Variants in NKTR observed in about 807,000 individuals in gnomAD.
NKTR encodes natural killer cell triggering receptor.
A neutral mutation model predicts 156.3 loss-of-function variants in NKTR; 67 were observed. That is an observed-to-expected ratio of 0.43 (90% confidence interval 0.35 to 0.53). The LOEUF (loss-of-function observed/expected upper bound fraction) is 0.53. Ranked by LOEUF, NKTR falls within the 20% of genes least tolerant of loss-of-function variation. The pLI is 0.01. For missense variants in NKTR, 1,604 were observed against 1,730.9 expected (o/e 0.93, Z 1.30); for synonymous variants, 640 against 596.6 (o/e 1.07, Z -1.06).
intron 7 of NKTR, chr3:42,630,827 T>G: frequency 1.5e-6 from 2 of 1,336,654 alleles, no homozygotes; most frequent in Non-Finnish European, 1.9e-6. Context: ...ATTTTTCTCT[T>G]CAGTTTTCCA....
At chr3:42,622,425 TTTTC>T (rs1040620485) in intron 6 of NKTR, among the ~76,000 whole-genome samples, 1 of 152,072 alleles carries the variant, frequency 6.6e-6, no homozygotes, top group Non-Finnish European at 1.5e-5. Context: ...ATTGAAAACA[TTTTC>T]TTTGTCATCT....
chr3:42,611,277 A>T (rs914521962), intron 2 of NKTR: 2 of 152,206 alleles, frequency 1.3e-5, no homozygotes, highest in African/African-American at 4.8e-5. Context: ...CATGTCATGG[A>T]AAAAGCTTCA....
intron 1 of NKTR, 53 bp from the exon 2 acceptor site, chr3:42,600,931 C>T (rs1705343301): frequency 2.5e-6 from 3 of 1,192,972 alleles, no homozygotes; most frequent in Middle Eastern, 3.0e-4. Flanking sequence ...CGCCCCTGCC[C>T]TCGCCCCCGC....
chr3:42,608,015 G>C (rs912232761), intron 2 of NKTR, among the ~76,000 whole-genome samples: 1 of 51,902 alleles, frequency 1.9e-5, no homozygotes, highest in Admixed American at 2.5e-4. Context: ...TTTTTTTTGA[G>C]TTTCCTTCTT....
chr3:42,619,926 C>T, intron 5 of NKTR: 1 of 1,467,184 alleles, frequency 6.8e-7, no homozygotes, highest in South Asian at 1.4e-5. Flanking sequence ...TATGGTTAAA[C>T]ATGACTTTCA....
intron 6 of NKTR, chr3:42,629,992 G>T (rs1708744126): frequency 1.0e-6 from 1 of 985,366 alleles, no homozygotes. Flanking sequence ...CTTCACCTTG[G>T]GTGAAGGAAG....
Position 42,609,058 on chromosome 3 carries a change from G to A in NKTR, c.58+7994G>A, listed in dbSNP as rs143891544. Among the ~76,000 whole-genome samples, 363 of 152,156 alleles carry A rather than the reference G, an allele frequency of 2.4e-3. 1 individual carries two copies. Among genetic ancestry groups the A allele is most frequent in the African/African-American group, 8.2e-3 (339 of 41,516 alleles). ...CAGGAGAATTGCTTGAACCTGGGAG[G>A]TGGAGGGTGCAGTGAGCAGAGATCA... On this transcript the variant is annotated intron_variant, in intron 2 of 16. Transcript: ENST00000232978.
At chr3:42,644,122 T>C in intron 16 of NKTR, 119 bp downstream of exon 16, 1 of 611,688 alleles carries the variant, frequency 1.6e-6, no homozygotes. Context: ...AGGACAGAAA[T>C]ACTTCTTCCT....
intron 2 of NKTR, among the ~76,000 whole-genome samples, chr3:42,611,801 AT>A (rs1706846797): frequency 6.6e-6 from 1 of 151,684 alleles, no homozygotes. Context: ...CTACCTATTG[AT>A]TCCCACTATG....
At chr3:42,633,432 G>A in intron 9 of NKTR, 148 bp from the exon 10 acceptor site, 3 of 1,413,256 alleles carry the variant, frequency 2.1e-6, no homozygotes, top group Non-Finnish European at 2.8e-6. Context: ...GGTTGATATT[G>A]TTCTCTTTGT....
chr3:42,635,389 C>G (rs777612852), intron 12 of NKTR, 23 bp downstream of exon 12: 1 of 1,576,846 alleles, frequency 6.3e-7, no homozygotes, highest in East Asian at 2.3e-5. Flanking sequence ...AGTATAAGCA[C>G]AATCCTGTGT....
At chr3:42,613,479 A>G (rs1316032052) in intron 2 of NKTR, among the ~76,000 whole-genome samples, 2 of 152,124 alleles carry the variant, frequency 1.3e-5, no homozygotes, top group African/African-American at 4.8e-5. Flanking sequence ...TCTATGGGCT[A>G]TTCTTTGCCT....
rs1185096922 is a variant in NKTR at position 42,636,881 on chromosome 3, T to C, written c.1177T>C (p.Cys393Arg). Residue 393 changes from cysteine (C) to arginine (R), a missense_variant, in exon 13 of 17, where the codon TGT (cysteine) becomes CGT (arginine). This residue lies in a region of NKTR where 1,255 missense variants were observed against 1,243.7 expected (regional missense o/e 1.01). Transcript: ENST00000232978. Reference protein sequence around the residue: ...WSKGDKLSDPCSSRWDERSLS... With the variant: ...WSKGDKLSDPRSSRWDERSLS... ...TCCTTTCTATAGGTTAAGTGACCCCTGTTCAAGCCGATGGGATGAAAGAAG... is the reference window on the plus strand; with the variant it reads ...TCCTTTCTATAGGTTAAGTGACCCCCGTTCAAGCCGATGGGATGAAAGAAG... The C allele has an allele frequency of 6.4e-6, 10 of 1,566,684 alleles. No individual in the cohort carries two copies. Among genetic ancestry groups the C allele is most frequent in the Non-Finnish European group, 8.6e-6 (10 of 1,164,242 alleles).
Position 42,638,907 on chromosome 3 carries a change from G to A in NKTR, c.3203G>A (p.Gly1068Asp). The A allele has an allele frequency of 6.2e-7, 1 of 1,612,958 alleles. No homozygotes were observed. Among genetic ancestry groups the A allele is most frequent in the Non-Finnish European group, 8.5e-7 (1 of 1,179,262 alleles). Residue 1068 changes from glycine (G) to aspartate (D), a missense_variant, in exon 13 of 17, where the codon GGT (glycine) becomes GAT (aspartate). Around this residue, in one of 6 missense-constraint regions of NKTR, gnomAD observed 1,255 missense variants for 1,243.7 expected, o/e 1.01. Coordinates refer to ENST00000232978, the MANE Select transcript of NKTR (RefSeq NM_005385.4). ...AAATCCAGTGAAGAGGACCTTTCAG[G>A]TAAACATGATACAGTGACTGTTTCA... ...TEKSSEEDLS[G>D]KHDTVTVSSD...
Position 42,619,890 on chromosome 3 carries a change from T to A in NKTR, c.286+182T>A, listed in dbSNP as rs983066073. 19 of 1,412,760 alleles carry A rather than the reference T, an allele frequency of 1.3e-5. No homozygotes were observed. In the African/African-American group the frequency reaches 2.5e-4, roughly 18 times the overall value. The allele number at this position is 1,412,760 out of a possible 1,614,324, so 87.5% of individuals were successfully genotyped here. On this transcript the variant is annotated intron_variant, in intron 5 of 16. Coordinates refer to ENST00000232978, the MANE Select transcript of NKTR (RefSeq NM_005385.4). ...TTATATTGTAATATATAATTTTTAA[T>A]TGACAAGATTAATTAAGGCTAACTT...
chr3:42,617,238 T>C (rs1274625105), intron 2 of NKTR, among the ~76,000 whole-genome samples: 1 of 152,156 alleles, frequency 6.6e-6, no homozygotes. Flanking sequence ...CAAACAACTA[T>C]TGAGAGTATT....
chr3:42,627,530 A>G, intron 6 of NKTR: 1 of 985,102 alleles, frequency 1.0e-6, no homozygotes, highest in Non-Finnish European at 1.2e-6. Context: ...TATAAGGGCA[A>G]AAGGTTCTCT....
At chr3:42,641,890 A>AT (rs1407581866) in intron 13 of NKTR, among the ~76,000 whole-genome samples, 51 of 151,970 alleles carry the variant, frequency 3.4e-4, no homozygotes, top group African/African-American at 1.2e-3. Context: ...AAAAAAAAAA[A>AT]TAGAGCTTTG....
intron 2 of NKTR, chr3:42,601,300 T>G: frequency 2.7e-6 from 1 of 376,216 alleles, no homozygotes; most frequent in Non-Finnish European, 4.8e-6. Context: ...ATCTCCGGAC[T>G]GAGTCCTCGT....
Sources: gnomAD v4.1 joint callset for allele counts (sites outside exome capture counted in the v4.1 genomes callset) on GRCh38, gnomAD v4.1.1 for gene constraint, gnomAD v4.1.1 regional missense constraint, MANE v1.5 for transcripts, NCBI Gene and HGNC (gene_info 2026-07-23, HGNC 2026-07-21) for gene names.